POLA1: variants seen among roughly 807,000 people sequenced by gnomAD.
The protein encoded by POLA1 is DNA polymerase alpha catalytic subunit.
A neutral mutation model predicts 124.0 loss-of-function variants in POLA1; 15 were observed. That is an observed-to-expected ratio of 0.12 (90% CI 0.08 to 0.19). The LOEUF is 0.19. Ranked by LOEUF, POLA1 falls within the 10% of genes least tolerant of loss-of-function variation. The pLI is 1.00. For synonymous variants in POLA1, 408 were observed against 389.4 expected (o/e 1.05, Z -0.56); for missense variants, 886 against 1,103.4 (o/e 0.80, Z 2.79).
chrX:24,894,161 G>A (rs916306041), intron 35 of POLA1, among the ~76,000 whole-genome samples: 11 of 112,023 alleles, frequency 9.8e-5, no homozygotes, highest in South Asian at 3.7e-4. Context: ...CCAAAACTGC[G>A]TGCAGTATTT....
intron 14 of POLA1, 126 bp from the exon 15 acceptor site, chrX:24,727,656 A>G (rs1186761264): frequency 4.0e-6 from 2 of 503,936 alleles, no homozygotes; most frequent in Admixed American, 7.9e-5. Flanking sequence ...GTTAGATGTT[A>G]CAATATGTCA....
intron 36 of POLA1, among the ~76,000 whole-genome samples, chrX:24,988,281 T>G (rs1318861607): frequency 1.8e-5 from 2 of 112,646 alleles, no homozygotes; most frequent in Admixed American, 9.4e-5. Context: ...TCAACTAACA[T>G]TTGTTGACCA....
chrX:24,974,978 G>C (rs1427273331), intron 36 of POLA1, among the ~76,000 whole-genome samples: 1 of 112,093 alleles, frequency 8.9e-6, no homozygotes, highest in Non-Finnish European at 1.9e-5. Context: ...TGGTTTTCTA[G>C]ACACGAGGAA....
chrX:24,852,774 G>A (rs193017356), intron 34 of POLA1, among the ~76,000 whole-genome samples: 1 of 111,648 alleles, frequency 9.0e-6, no homozygotes, highest in East Asian at 2.8e-4. Context: ...CTTGTTTCCC[G>A]GAAGATCCTT....
chrX:24,957,245 CA>C (rs2048116380), intron 36 of POLA1, among the ~76,000 whole-genome samples: 2 of 112,082 alleles, frequency 1.8e-5, no homozygotes, highest in South Asian at 7.5e-4. Context: ...TCTCATTTTT[CA>C]AGGAGAGGAA....
chrX:24,973,784 CG>C (rs1226715150), intron 36 of POLA1, among the ~76,000 whole-genome samples: 4 of 111,065 alleles, frequency 3.6e-5, no homozygotes, highest in Non-Finnish European at 5.7e-5. Flanking sequence ...TTGGTTGCTG[CG>C]GACAACCAAA....
chrX:24,932,339 A>AG (rs1167301192), intron 36 of POLA1, among the ~76,000 whole-genome samples: 1 of 112,537 alleles, frequency 8.9e-6, no homozygotes, highest in Non-Finnish European at 1.9e-5. Flanking sequence ...GCAGTTTTCA[A>AG]AAGGTCTGGC....
At chrX:24,965,238 G>A (rs957791243) in intron 36 of POLA1, among the ~76,000 whole-genome samples, 2 of 112,128 alleles carry the variant, frequency 1.8e-5, no homozygotes, top group African/African-American at 3.2e-5. Flanking sequence ...TTGGAAAACA[G>A]TAACATGCTG....
intron 26 of POLA1, among the ~76,000 whole-genome samples, chrX:24,784,346 T>C (rs965757747): frequency 9.0e-6 from 1 of 111,122 alleles, no homozygotes; most frequent in Non-Finnish European, 1.9e-5. Flanking sequence ...CCACTGTGCC[T>C]GGCCAAGATT....
In POLA1 at chrX:24,753,748, G is replaced by A. The variant is rs751947143; in HGVS notation, c.2964+4756G>A. 4.4e-5 allele frequency among the ~76,000 whole-genome samples: 5 copies of A among 112,379 alleles called. No individual in the cohort carries two copies. The East Asian group carries it at 8.4e-4, about 19-fold the overall frequency. On this transcript the variant is annotated intron_variant, in intron 26 of 36. Coordinates refer to ENST00000379068, the MANE Select transcript of POLA1 (RefSeq NM_001330360.2). The stretch of plus-strand genomic sequence containing the variant: ...AATATTTGTCTTGATGGAATAATTA[G>A]TACTTACTGACATTGGTATTATTTT...
At chrX:24,723,578 A>G (rs1029470442) in intron 11 of POLA1, among the ~76,000 whole-genome samples, 2 of 112,941 alleles carry the variant, frequency 1.8e-5, no homozygotes, top group Admixed American at 9.3e-5. Context: ...ATAAGTCTCT[A>G]AAATGTGACA....
intron 10 of POLA1, among the ~76,000 whole-genome samples, chrX:24,722,791 G>A (rs1281986513): frequency 1.8e-5 from 2 of 111,876 alleles, no homozygotes; most frequent in African/African-American, 3.2e-5. Context: ...GAGCTCAAGC[G>A]ATCTGCCCAC....
chrX:24,889,800 ATCC>A (rs1423943109), intron 35 of POLA1, among the ~76,000 whole-genome samples: 22 of 111,584 alleles, frequency 2.0e-4, no homozygotes, highest in Non-Finnish European at 4.1e-4. Flanking sequence ...GGCTCAAGTA[ATCC>A]TCCTGCTTCA....
intron 26 of POLA1, 32 bp downstream of exon 26, chrX:24,749,024 A>G: frequency 9.0e-7 from 1 of 1,111,192 alleles, no homozygotes; most frequent in Admixed American, 2.2e-5. Flanking sequence ...ACATCTCTAG[A>G]TATGAGAGTA....
chrX:24,789,581 T>C (rs986833876), intron 26 of POLA1, among the ~76,000 whole-genome samples: 2 of 111,380 alleles, frequency 1.8e-5, no homozygotes, highest in African/African-American at 3.3e-5. Context: ...TCGGGTGATA[T>C]GTGTAATGTT....
At chrX:24,908,990 G>C (rs2047406339) in intron 35 of POLA1, among the ~76,000 whole-genome samples, 1 of 112,194 alleles carries the variant, frequency 8.9e-6, no homozygotes, top group African/African-American at 3.2e-5. Context: ...GGCCAGTGAT[G>C]ATGAGCATTT....
intron 10 of POLA1, 104 bp downstream of exon 10, chrX:24,717,862 A>G: frequency 1.8e-6 from 1 of 555,501 alleles, no homozygotes; most frequent in East Asian, 3.8e-5. Context: ...TTTTTATTTA[A>G]TCAGTTTATT....
chrX:24,698,419 AAATAAGTGATATACC>A (rs751603262), intron 1 of POLA1, among the ~76,000 whole-genome samples: 1 of 112,073 alleles, frequency 8.9e-6, no homozygotes, highest in African/African-American at 3.2e-5. Flanking sequence ...TGAGGCCTTG[AAATAAGTGATATACC>A]AATAATCCCC....
At chrX:24,749,199 T>C (rs56196138) in intron 26 of POLA1, among the ~76,000 whole-genome samples, 21 of 110,024 alleles carry the variant, frequency 1.9e-4, no homozygotes, top group African/African-American at 7.0e-4. Flanking sequence ...GAACATCTAC[T>C]GCATGCCAGG....
Sources: gnomAD v4.1 joint callset for allele counts (sites outside exome capture counted in the v4.1 genomes callset) on GRCh38, gnomAD v4.1.1 for gene constraint, MANE v1.5 for transcripts, NCBI Gene and HGNC (gene_info 2026-07-23, HGNC 2026-07-21) for gene names.